Variants in STAT5A observed in about 807,000 individuals in gnomAD.
The protein encoded by STAT5A is epididymis secretory sperm binding protein.
STAT5A carries 26 observed loss-of-function variants against 100.2 expected under a neutral mutation model. The ratio of observed to expected loss-of-function variants is 0.26; its 90% CI spans 0.19 to 0.36. STAT5A has a LOEUF of 0.36. Ranked by LOEUF, STAT5A falls within the 10% of genes least tolerant of loss-of-function variation. STAT5A has a pLI of 1.00. For missense variants in STAT5A, 634 were observed against 1,027.5 expected, an observed-to-expected ratio of 0.62 and a Z score of 5.24; for synonymous variants, 330 against 424.3, an observed-to-expected ratio of 0.78 and a Z score of 2.73.
Position 42,308,429 on chromosome 17 carries a change from G to T in STAT5A, c.2062+96G>T. On this transcript the variant is annotated intron_variant, in intron 16 of 18. Transcript: ENST00000590949. The surrounding 1 kb of genome is among the most constrained non-coding windows in gnomAD (Gnocchi z 4.6). Reference sequence around the variant, plus strand: ...GGCTGCGCCGTGGGGACTTCCCCAGGAGGAGCCTAGGGGCCATGTCCCCTG... The same window carrying T: ...GGCTGCGCCGTGGGGACTTCCCCAGTAGGAGCCTAGGGGCCATGTCCCCTG... 6.4e-7 allele frequency: 1 copy of T among 1,566,026 alleles called. No homozygotes were observed. Among genetic ancestry groups the T allele is most frequent in the African/African-American group, 1.4e-5 (1 of 73,892 alleles).
At position 42,307,461 on chromosome 17, in the gene STAT5A, G is replaced by C. The variant is rs779839177; in HGVS notation, c.1740G>C (p.Val580=). ...FWQWFDGVME[V]LKKHHKPHWN... ...AGTGGTTTGACGGGGTGATGGAGGT[G>C]TTGAAGAAGCACCACAAGCCCCACT... Residue 580 remains valine (V), a synonymous_variant, in exon 14 of 19, where the codon GTG becomes GTC. Coordinates refer to ENST00000590949, the MANE Select transcript of STAT5A (RefSeq NM_001288718.2). The C allele has an allele frequency of 6.2e-7, 1 of 1,614,104 alleles. No individual in the cohort carries two copies. Among genetic ancestry groups the C allele is most frequent in the South Asian group, 1.1e-5 (1 of 91,080 alleles).
intron 1 of STAT5A, chr17:42,289,162 G>A (rs2080843782): frequency 5.0e-6 from 2 of 400,296 alleles, no homozygotes; most frequent in Non-Finnish European, 4.5e-6. Flanking sequence ...AGAGGAAGAC[G>A]GGGAGGGCAC....
rs751450981 is a variant in STAT5A, at chr17:42,307,656, G to A, written c.1839G>A (p.Gly613=). 6.2e-7 allele frequency: 1 copy of A among 1,614,070 alleles called. No homozygotes were observed. The change falls in exon 15 of 19, where the codon GGG becomes GGA. Residue 613 remains glycine, a synonymous_variant. Coordinates refer to ENST00000590949, the MANE Select transcript of STAT5A (RefSeq NM_001288718.2). ...AHDLLINKPD[G]TFLLRFSDSE... The stretch of plus-strand genomic sequence containing the variant: ...ACCTGCTCATCAACAAGCCCGACGG[G>A]ACCTTCTTGTTGCGCTTTAGTGACT...
At position 42,307,456 on chromosome 17, in the gene STAT5A, G is replaced by A; in HGVS notation, c.1735G>A (p.Glu579Lys). The A allele has an allele frequency of 1.9e-6, 3 of 1,614,104 alleles. No individual in the cohort carries two copies. The highest frequency in any genetic ancestry group is 2.5e-6 in the Non-Finnish European group (3 of 1,180,012). The change falls in exon 14 of 19, where the codon GAG (glutamate) becomes AAG (lysine). Residue 579 changes from glutamate to lysine, a missense_variant. Transcript: ENST00000590949. ...TFWQWFDGVM[E>K]VLKKHHKPHW... is the part of the protein sequence containing the mutation. The stretch of plus-strand genomic sequence containing the variant: ...CTGGCAGTGGTTTGACGGGGTGATG[G>A]AGGTGTTGAAGAAGCACCACAAGCC...
chr17:42,295,534 G>A, intron 4 of STAT5A, 85 bp from the exon 5 acceptor site: 1 of 1,450,508 alleles, frequency 6.9e-7, no homozygotes. Flanking sequence ...TGGGGTTTGG[G>A]GTCTGTAGTA....
At position 42,307,447 on chromosome 17, in the gene STAT5A, G is replaced by T; in HGVS notation, c.1726G>T (p.Gly576Trp). The change falls in exon 14 of 19, where the codon GGG becomes TGG. Residue 576 changes from glycine (G) to tryptophan (W), a missense_variant. Transcript: ENST00000590949. Reference sequence around the variant, plus strand: ...CTACACCTTCTGGCAGTGGTTTGACGGGGTGATGGAGGTGTTGAAGAAGCA... The same window carrying T: ...CTACACCTTCTGGCAGTGGTTTGACTGGGTGATGGAGGTGTTGAAGAAGCA... ...WNYTFWQWFD[G>W]VMEVLKKHHK... is the part of the protein sequence containing the mutation. The T allele has an allele frequency of 1.2e-6, 2 of 1,614,068 alleles. No homozygotes were observed. Among genetic ancestry groups the T allele is most frequent in the Non-Finnish European group, 1.7e-6 (2 of 1,179,998 alleles).
At chr17:42,303,989 G>C (rs962986881) in intron 9 of STAT5A, among the ~76,000 whole-genome samples, 4 of 152,220 alleles carry the variant, frequency 2.6e-5, no homozygotes, top group African/African-American at 9.6e-5. Context: ...GTGAGGCCAG[G>C]GGGGTGGGTA....
In STAT5A at chr17:42,310,588, A is replaced by G. The variant is rs1392545583; in HGVS notation, c.2304A>G (p.Leu768=). 6.2e-7 allele frequency: 1 copy of G among 1,614,078 alleles called. No individual in the cohort carries two copies. The highest frequency in any genetic ancestry group is 1.3e-5 in the African/African-American group (1 of 74,918). ...MDVARHVEEL[L]RRPMDSLDSR... is the part of the protein sequence containing the mutation. ...TGGCCAGGCACGTGGAGGAACTCTTACGCCGACCAATGGACAGTCTTGACT... is the reference window on the plus strand; with the variant it reads ...TGGCCAGGCACGTGGAGGAACTCTTGCGCCGACCAATGGACAGTCTTGACT... Residue 768 remains leucine, a synonymous_variant, in exon 19 of 19, where the codon TTA becomes TTG. Coordinates refer to ENST00000590949, the MANE Select transcript of STAT5A (RefSeq NM_001288718.2).
Position 42,304,505 on chromosome 17 carries a change from T to A in STAT5A, c.1258-25T>A, listed in dbSNP as rs2081010095. The A allele has an allele frequency of 6.2e-7, 1 of 1,614,062 alleles. No homozygotes were observed. The highest frequency in any genetic ancestry group is 1.3e-5 in the African/African-American group (1 of 74,932). On this transcript the variant is annotated intron_variant, in intron 10 of 18. Coordinates refer to ENST00000590949, the MANE Select transcript of STAT5A (RefSeq NM_001288718.2). This position sits in a 1 kb window ranked among gnomAD's most constrained non-coding sequence, Gnocchi z 4.8. ...TTGTAAGCAGCCGCCATCTCCCTGT[T>A]CCCCTGTCACCTCCCACCCTGCAGT...
chr17:42,287,727 T>A (rs2080827068), upstream of STAT5A: 1 of 152,286 alleles, frequency 6.6e-6, no homozygotes, highest in Non-Finnish European at 1.5e-5. Context: ...ACGTGCCTAC[T>A]GTGTGGCCCT....
chr17:42,304,692 A>G lies in STAT5A; in HGVS notation c.1380+40A>G. The G allele has an allele frequency of 6.2e-7, 1 of 1,610,342 alleles. No individual in the cohort carries two copies. ...CCTCCTGCCCCCACTGCTCCAGGTC[A>G]CCCAAGAGGTGGAGGGGCCTGCCTC... On this transcript the variant is annotated intron_variant, in intron 11 of 18. Transcript: ENST00000590949. The surrounding 1 kb of genome is among the most constrained non-coding windows in gnomAD (Gnocchi z 4.8).
chr17:42,293,854 G>A (rs963060226), intron 4 of STAT5A, among the ~76,000 whole-genome samples: 6 of 152,170 alleles, frequency 3.9e-5, no homozygotes, highest in Non-Finnish European at 8.8e-5. Context: ...TTATCACATT[G>A]GAAGACTTGT....
chr17:42,309,153 C>T, intron 17 of STAT5A, 55 bp downstream of exon 17: 1 of 1,612,336 alleles, frequency 6.2e-7, no homozygotes, highest in Non-Finnish European at 8.5e-7. Context: ...CTCCCCCAGA[C>T]CCTGCCTCCC....
chr17:42,301,988 C>A (rs1249597898), intron 9 of STAT5A, among the ~76,000 whole-genome samples: 5 of 152,086 alleles, frequency 3.3e-5, no homozygotes, highest in Admixed American at 6.6e-5. Flanking sequence ...TATAGGGAGA[C>A]CCTCATCGCT....
At position 42,308,423 on chromosome 17, in the gene STAT5A, C is replaced by T; in HGVS notation, c.2062+90C>T. On this transcript the variant is annotated intron_variant, in intron 16 of 18. Coordinates refer to ENST00000590949, the MANE Select transcript of STAT5A (RefSeq NM_001288718.2). This position sits in a 1 kb window ranked among gnomAD's most constrained non-coding sequence, Gnocchi z 4.6. ...GCCTTGGGCTGCGCCGTGGGGACTT[C>T]CCCAGGAGGAGCCTAGGGGCCATGT... 1.3e-6 allele frequency: 2 copies of T among 1,580,332 alleles called. No individual in the cohort carries two copies. The highest frequency in any genetic ancestry group is 1.7e-6 in the Non-Finnish European group (2 of 1,158,346).
In STAT5A at chr17:42,311,343, T is replaced by G. The variant is rs1393492207; in HGVS notation, c.*674T>G. 3 of 153,242 alleles carry G rather than the reference T, an allele frequency of 2.0e-5. No individual in the cohort carries two copies. The East Asian group carries it at 5.6e-4, about 29-fold the overall frequency. 9.5% of individuals were successfully genotyped at this position (153,242 alleles called of 1,614,324 possible). A position where few individuals can be genotyped will look rare whatever the true frequency, so the allele number is the denominator to read the frequency against. On this transcript the variant is annotated 3_prime_UTR_variant, in exon 19 of 19. Coordinates refer to ENST00000590949, the MANE Select transcript of STAT5A (RefSeq NM_001288718.2). Reference sequence around the variant, plus strand: ...TTGAGTGAGGGTTTCTGAGCTGCTCTGAATTAGTCCTTGCTTGGCTGCTTG... The same window carrying G: ...TTGAGTGAGGGTTTCTGAGCTGCTCGGAATTAGTCCTTGCTTGGCTGCTTG...
At chr17:42,297,719 C>T (rs564029618) in intron 5 of STAT5A, among the ~76,000 whole-genome samples, 23 of 152,052 alleles carry the variant, frequency 1.5e-4, no homozygotes, top group Non-Finnish European at 3.4e-4. Context: ...CCGAGGTAGC[C>T]GTGCAGACAC....
chr17:42,311,014 T>G lies in STAT5A; in HGVS notation c.*345T>G. 1 of 290,022 alleles carries G rather than the reference T, an allele frequency of 3.4e-6. No individual in the cohort carries two copies. Among genetic ancestry groups the G allele is most frequent in the Non-Finnish European group, 6.8e-6 (1 of 147,574 alleles). The allele number at this position is 290,022 out of a possible 1,614,324, so 18.0% of individuals were successfully genotyped here. A position where few individuals can be genotyped will look rare whatever the true frequency, so the allele number is the denominator to read the frequency against. The stretch of plus-strand genomic sequence containing the variant: ...CTCAGCAGCTATTTGAATGAGATGA[T>G]TCAGAAGGGGAGGGGAGACAGGTAA... On this transcript the variant is annotated 3_prime_UTR_variant, in exon 19 of 19. Transcript: ENST00000590949.
chr17:42,311,734 T>C lies in STAT5A; in HGVS notation c.*1065T>C, dbSNP rs2144573725. The C allele has an allele frequency of 2.0e-5, 3 of 152,778 alleles. 1 individual carries two copies. In the South Asian group the frequency reaches 6.2e-4, roughly 32 times the overall value. 9.5% of individuals were successfully genotyped at this position (152,778 alleles called of 1,614,324 possible). On this transcript the variant is annotated 3_prime_UTR_variant, in exon 19 of 19. Transcript: ENST00000590949. ...CGCTGTTGCGTAACTGGCTGTGTTCTGGTGAGGCCTTGCTCCCAACCCCAC... is the reference window on the plus strand; with the variant it reads ...CGCTGTTGCGTAACTGGCTGTGTTCCGGTGAGGCCTTGCTCCCAACCCCAC...
Sources: allele counts gnomAD v4.1 joint callset (sites outside exome capture counted in the v4.1 genomes callset), GRCh38; gene constraint gnomAD v4.1.1; non-coding constraint Gnocchi (gnomAD v3.1); transcripts MANE v1.5; gene names NCBI Gene and HGNC (gene_info 2026-07-23, HGNC 2026-07-21).